GXYLT1: variants seen among roughly 807,000 people sequenced by gnomAD.
GXYLT1 encodes the protein glycosyltransferase 8 domain containing 3.
GXYLT1 carries 29 observed loss-of-function variants against 54.0 expected under a neutral mutation model. That is an observed-to-expected ratio of 0.54 (90% CI 0.40 to 0.73). The LOEUF is 0.73. Among genes scored for constraint, GXYLT1 ranks in the 30% least tolerant of loss-of-function variants. The pLI is 0.00. For missense variants in GXYLT1, 490 were observed against 553.4 expected, an observed-to-expected ratio of 0.89 and a Z score of 1.15; for synonymous variants, 176 against 204.1, an observed-to-expected ratio of 0.86 and a Z score of 1.17.
At chr12:42,115,974 C>T (rs1175678662) in intron 3 of GXYLT1, among the ~76,000 whole-genome samples, 3 of 149,354 alleles carry the variant, frequency 2.0e-5, no homozygotes, top group East Asian at 2.0e-4. Context: ...GAAATAATGC[C>T]GCATATCTAT....
At position 42,097,432 on chromosome 12, in the gene GXYLT1, C is replaced by G; in HGVS notation, c.1161+10G>C. The G allele has an allele frequency of 1.3e-6, 2 of 1,538,910 alleles. No homozygotes were observed. The highest frequency in any genetic ancestry group is 1.7e-6 in the Non-Finnish European group (2 of 1,153,772). ...ACAAAAAGTTAAAAAAAAGGAAAGGCAAATCTTACATTTCTCAGTGCTTCA... is the reference window on the plus strand; with the variant it reads ...ACAAAAAGTTAAAAAAAAGGAAAGGGAAATCTTACATTTCTCAGTGCTTCA... On this transcript the variant is annotated intron_variant, in intron 7 of 7. Transcript: ENST00000398675.
chr12:42,094,802 A>T (rs2065346913), intron 7 of GXYLT1, among the ~76,000 whole-genome samples: 1 of 152,230 alleles, frequency 6.6e-6, no homozygotes, highest in South Asian at 2.1e-4. Flanking sequence ...TAACATACAA[A>T]GAACTTTTAA....
At position 42,129,828 on chromosome 12, in the gene GXYLT1, T is replaced by G; in HGVS notation, c.245A>C (p.Tyr82Ser). ...GGGCAGCATCCAATAGGGATTCCAG[T>G]AACACAGAGAGAAATCTTTACACCT... ...SDRCKDFSLC[Y>S]WNPYWMLPSD... Residue 82 changes from tyrosine (Y) to serine (S), a missense_variant, in exon 2 of 8, where the codon TAC becomes TCC. Tyr to Ser is a moderately radical substitution (Grantham distance 144). Around this residue, in one of 2 missense-constraint regions of GXYLT1, gnomAD observed 148 missense variants for 210.7 expected, o/e 0.70. Coordinates refer to ENST00000398675, the MANE Select transcript of GXYLT1 (RefSeq NM_173601.2). 1 of 1,612,956 alleles carries G rather than the reference T, an allele frequency of 6.2e-7. No homozygotes were observed. The highest frequency in any genetic ancestry group is 2.2e-5 in the East Asian group (1 of 44,822).
intron 1 of GXYLT1, among the ~76,000 whole-genome samples, chr12:42,141,830 C>G (rs1310163077): frequency 6.6e-6 from 1 of 152,144 alleles, no homozygotes; most frequent in African/African-American, 2.4e-5. Context: ...CATGTATTTT[C>G]TGATTATTAA....
intron 5 of GXYLT1, among the ~76,000 whole-genome samples, chr12:42,105,325 C>T (rs532443054): frequency 8.5e-5 from 13 of 152,178 alleles, no homozygotes; most frequent in Non-Finnish European, 1.6e-4. Context: ...TAATAGCTAA[C>T]ATTTACTATG....
At chr12:42,113,927 G>A (rs1448153849) in intron 3 of GXYLT1, among the ~76,000 whole-genome samples, 2 of 151,710 alleles carry the variant, frequency 1.3e-5, no homozygotes, top group Non-Finnish European at 2.9e-5. Context: ...ATAACAAACT[G>A]TCTCTCAGAC....
intron 5 of GXYLT1, among the ~76,000 whole-genome samples, chr12:42,101,789 C>T (rs1048615450): frequency 6.6e-6 from 1 of 152,094 alleles, no homozygotes; most frequent in Non-Finnish European, 1.5e-5. Context: ...CCAGGCTGGT[C>T]TAGGACTCCT....
At position 42,084,312 on chromosome 12, in the gene GXYLT1, T is replaced by C. The variant is rs2065273279; in HGVS notation, c.*3474A>G. ...TCACCCCTTTTCTCACTTCCTCTCTTTTCCTTCTTTTTTGATTTAGTTACA... is the reference window on the plus strand; with the variant it reads ...TCACCCCTTTTCTCACTTCCTCTCTCTTCCTTCTTTTTTGATTTAGTTACA... On this transcript the variant is annotated 3_prime_UTR_variant, in exon 8 of 8. Transcript: ENST00000398675. 6.6e-6 allele frequency: 1 copy of C among 152,448 alleles called. No individual in the cohort carries two copies. The highest frequency in any genetic ancestry group is 6.5e-5 in the Admixed American group (1 of 15,296). The allele number at this position is 152,448 out of a possible 1,614,324, so 9.4% of individuals were successfully genotyped here.
In GXYLT1 at chr12:42,109,651, A is replaced by G. The variant is rs1157221372; in HGVS notation, c.527T>C (p.Leu176Ser). ...WSFLQTFNYT[L>S]YPITFPSENA... The stretch of plus-strand genomic sequence containing the variant: ...CTCACTTGGAAAGGTTATGGGGTAT[A>G]ACGTATAATTAAATGTTTGTAGAAA... The change falls in exon 4 of 8, where the codon TTA (leucine) becomes TCA (serine). Residue 176 changes from leucine (L) to serine (S), a missense_variant. By Grantham distance (145) the Leu-to-Ser change is moderately radical. Transcript: ENST00000398675. 1.9e-6 allele frequency: 3 copies of G among 1,573,338 alleles called. No homozygotes were observed. In the African/African-American group the frequency reaches 4.1e-5, roughly 21 times the overall value.
At chr12:42,118,643 G>A (rs979861939) in intron 3 of GXYLT1, among the ~76,000 whole-genome samples, 1 of 152,156 alleles carries the variant, frequency 6.6e-6, no homozygotes, top group Non-Finnish European at 1.5e-5. Context: ...GTCAAGGGAG[G>A]GACCTAGTGG....
chr12:42,117,655 G>A (rs2065504943), intron 3 of GXYLT1, among the ~76,000 whole-genome samples: 1 of 152,142 alleles, frequency 6.6e-6, no homozygotes, highest in African/African-American at 2.4e-5. Context: ...AAATATGAAT[G>A]ATCATTAGCA....
At chr12:42,097,205 CTT>C (rs1048983290) in intron 7 of GXYLT1, among the ~76,000 whole-genome samples, 1 of 151,070 alleles carries the variant, frequency 6.6e-6, no homozygotes, top group African/African-American at 2.4e-5. Flanking sequence ...GGTAAAAGAA[CTT>C]AATGTATGCA....
chr12:42,100,705 A>T lies in GXYLT1; in HGVS notation c.865-2672T>A, dbSNP rs1174124203. On this transcript the variant is annotated intron_variant, in intron 5 of 7. Coordinates refer to ENST00000398675, the MANE Select transcript of GXYLT1 (RefSeq NM_173601.2). Reference sequence around the variant, plus strand: ...AAAACAAGTTTTACTTAAGGAAACAATTTGAAAAGATAACTCTTAGAAATA... The same window carrying T: ...AAAACAAGTTTTACTTAAGGAAACATTTTGAAAAGATAACTCTTAGAAATA... Among the ~76,000 whole-genome samples, 4 of 152,228 alleles carry T rather than the reference A, an allele frequency of 2.6e-5. No homozygotes were observed. The South Asian group carries it at 6.2e-4, about 24-fold the overall frequency.
intron 1 of GXYLT1, among the ~76,000 whole-genome samples, chr12:42,132,667 A>G (rs2065599319): frequency 6.6e-6 from 1 of 152,214 alleles, no homozygotes; most frequent in Non-Finnish European, 1.5e-5. Context: ...CACGTGAGCT[A>G]GAGAGCACAC....
intron 4 of GXYLT1, among the ~76,000 whole-genome samples, chr12:42,106,607 A>G (rs899016891): frequency 5.3e-5 from 8 of 151,808 alleles, no homozygotes; most frequent in Non-Finnish European, 1.2e-4. Flanking sequence ...GAATCAAAGC[A>G]AATGTGCACC....
intron 1 of GXYLT1, 145 bp downstream of exon 1, chr12:42,144,281 G>A (rs1424392847): frequency 1.2e-5 from 5 of 428,764 alleles, no homozygotes; most frequent in Middle Eastern, 7.4e-4. Context: ...CGGCCGGAGG[G>A]GAAGGAGGGA....
At chr12:42,110,812 T>G (rs1021721775) in intron 3 of GXYLT1, among the ~76,000 whole-genome samples, 29 of 152,256 alleles carry the variant, frequency 1.9e-4, no homozygotes, top group African/African-American at 6.8e-4. Flanking sequence ...AAATAAAATC[T>G]TAGTCACTTT....
chr12:42,115,202 T>G (rs2136901182), intron 3 of GXYLT1, among the ~76,000 whole-genome samples: 1 of 152,268 alleles, frequency 6.6e-6, no homozygotes, highest in South Asian at 2.1e-4. Flanking sequence ...CTGGAAGCAT[T>G]CCCTTTGAAA....
At position 42,087,904 on chromosome 12, in the gene GXYLT1, A is replaced by G; in HGVS notation, c.1205T>C (p.Leu402Ser). The change falls in exon 8 of 8, where the codon TTA (leucine) becomes TCA (serine). Residue 402 changes from leucine to serine, a missense_variant. Physicochemically the swap from Leu to Ser is moderately radical, Grantham distance 145. Around this residue, in one of 2 missense-constraint regions of GXYLT1, gnomAD observed 342 missense variants for 342.6 expected, o/e 1.00. Coordinates refer to ENST00000398675, the MANE Select transcript of GXYLT1 (RefSeq NM_173601.2). ...CACTGTTTTTTGTAGTTCCAGTTCT[A>G]AAGGTTTTAATAAGGAACGGATGTT... ...DDNIRSLLKP[L>S]ELELQKTVHT... The G allele has an allele frequency of 1.3e-6, 2 of 1,585,832 alleles. No homozygotes were observed. The highest frequency in any genetic ancestry group is 8.6e-7 in the Non-Finnish European group (1 of 1,162,958).
Sources: allele counts gnomAD v4.1 joint callset (sites outside exome capture counted in the v4.1 genomes callset), GRCh38; gene constraint gnomAD v4.1.1; regional missense constraint gnomAD v4.1.1; transcripts MANE v1.5; gene names NCBI Gene and HGNC (gene_info 2026-07-23, HGNC 2026-07-21).